TTLL5: variants seen among roughly 807,000 people sequenced by gnomAD.
TTLL5 encodes tubulin polyglutamylase TTLL5.
TTLL5 carries 132 observed loss-of-function variants against 168.4 expected under a neutral mutation model. That is an observed-to-expected ratio of 0.78 (90% CI 0.68 to 0.91). The LOEUF (loss-of-function observed/expected upper bound fraction) is 0.91, where lower values mean the gene tolerates loss of function less well. Ranked by LOEUF, TTLL5 falls within the 40% of genes least tolerant of loss-of-function variation. The pLI, the probability that TTLL5 is intolerant of heterozygous loss-of-function variation, is 0.00. For synonymous variants in TTLL5, 546 were observed against 558.6 expected (o/e 0.98, Z 0.32); for missense variants, 1,545 against 1,581.5 (o/e 0.98, Z 0.39).
chr14:75,843,771 T>G (rs752380624), intron 28 of TTLL5, among the ~76,000 whole-genome samples: 3 of 152,214 alleles, frequency 2.0e-5, no homozygotes, highest in Non-Finnish European at 2.9e-5. Flanking sequence ...GGCATACAAC[T>G]GAAATGGAAG....
At chr14:75,731,653 G>A (rs1019050957) in intron 12 of TTLL5, among the ~76,000 whole-genome samples, 11 of 152,058 alleles carry the variant, frequency 7.2e-5, no homozygotes, top group African/African-American at 2.2e-4. Context: ...AATAATATTA[G>A]TAGTGCAAAG....
intron 31 of TTLL5, among the ~76,000 whole-genome samples, chr14:75,912,752 G>C (rs1326064727): frequency 1.3e-5 from 2 of 152,150 alleles, no homozygotes; most frequent in Non-Finnish European, 2.9e-5. Context: ...ACCTAATAAA[G>C]TAGTAGTCAA....
intron 23 of TTLL5, among the ~76,000 whole-genome samples, chr14:75,779,212 G>A (rs1042917093): frequency 1.3e-5 from 2 of 152,214 alleles, no homozygotes; most frequent in African/African-American, 4.8e-5. Flanking sequence ...GCCTGTTCTA[G>A]AATGTGGCTG....
At position 75,819,993 on chromosome 14, in the gene TTLL5, C is replaced by A. The variant is rs199868150; in HGVS notation, c.3172-14C>A. On this transcript the variant is annotated splice_polypyrimidine_tract_variant and intron_variant, in intron 27 of 31. Coordinates refer to ENST00000298832, the MANE Select transcript of TTLL5 (RefSeq NM_015072.5). ...CTCTGTAAAGTCAGGTTATTTCCCT[C>A]GCTTTATTTCTAGGTAACAAACCTG... The A allele has an allele frequency of 1.0e-4, 163 of 1,583,454 alleles. No individual in the cohort carries two copies. Among genetic ancestry groups the A allele is most frequent in the Middle Eastern group, 1.7e-4 (1 of 5,942 alleles).
chr14:75,745,944 C>A (rs1889580548), intron 17 of TTLL5, among the ~76,000 whole-genome samples: 1 of 152,096 alleles, frequency 6.6e-6, no homozygotes, highest in Non-Finnish European at 1.5e-5. Flanking sequence ...TAAAATGCAT[C>A]TATTTTAAAT....
intron 31 of TTLL5, among the ~76,000 whole-genome samples, chr14:75,930,789 C>T (rs2034251962): frequency 6.6e-6 from 1 of 152,208 alleles, no homozygotes; most frequent in Admixed American, 6.5e-5. Flanking sequence ...ACAATCCTAA[C>T]ATCATTTAAA....
intron 31 of TTLL5, among the ~76,000 whole-genome samples, chr14:75,939,226 A>G (rs780707888): frequency 4.6e-5 from 7 of 152,234 alleles, no homozygotes; most frequent in East Asian, 1.9e-4. Flanking sequence ...ACCAGGGTCT[A>G]TCTACAGTAA....
In TTLL5 at chr14:75,734,211, A is replaced by T. The variant is rs180995626; in HGVS notation, c.1186+161A>T. ...AGGGAAATGTTTATATGTTTCTACG[A>T]CACTTGGCTCCATCCTGTCCTGAGG... On this transcript the variant is annotated intron_variant, in intron 14 of 31. Coordinates refer to ENST00000298832, the MANE Select transcript of TTLL5 (RefSeq NM_015072.5). Among the ~76,000 whole-genome samples, 76 of 152,342 alleles carry T rather than the reference A, an allele frequency of 5.0e-4. 1 individual carries two copies. The highest frequency in any genetic ancestry group is 1.7e-3 in the African/African-American group (70 of 41,584).
intron 28 of TTLL5, among the ~76,000 whole-genome samples, chr14:75,858,301 T>C (rs1287809535): frequency 3.9e-5 from 6 of 152,244 alleles, no homozygotes; most frequent in Non-Finnish European, 7.3e-5. Context: ...CACCAAACTG[T>C]AGTAGAAGTC....
chr14:75,773,927 T>TATATATATATATATATATAGAGAGAG (rs1354936334), intron 21 of TTLL5, among the ~76,000 whole-genome samples: 1 of 21,124 alleles, frequency 4.7e-5, no homozygotes, highest in African/African-American at 1.5e-4. Context: ...TATATATATA[T>TATATATATATATATATATAGAGAGAG]AGAGAGAGAG....
intron 30 of TTLL5, among the ~76,000 whole-genome samples, chr14:75,890,042 C>A (rs1239790080): frequency 6.6e-6 from 1 of 152,096 alleles, no homozygotes; most frequent in East Asian, 1.9e-4. Flanking sequence ...AACCAAGATA[C>A]AAATGGTAAA....
intron 7 of TTLL5, among the ~76,000 whole-genome samples, chr14:75,702,782 C>T (rs1274460367): frequency 1.3e-5 from 2 of 152,144 alleles, no homozygotes; most frequent in Non-Finnish European, 2.9e-5. Flanking sequence ...GACCTTTTGC[C>T]TTCCCCCTCC....
chr14:75,680,663 C>T (rs1178260835), intron 3 of TTLL5, among the ~76,000 whole-genome samples: 1 of 147,436 alleles, frequency 6.8e-6, no homozygotes, highest in Non-Finnish European at 1.5e-5. Flanking sequence ...GCTCTTGTCC[C>T]CCAGGCTGGA....
intron 28 of TTLL5, among the ~76,000 whole-genome samples, chr14:75,846,872 A>G (rs1896577179): frequency 6.6e-6 from 1 of 151,922 alleles, no homozygotes; most frequent in Non-Finnish European, 1.5e-5. Context: ...ATGGACTCGA[A>G]GTGTGAGGAA....
intron 10 of TTLL5, 133 bp downstream of exon 10, chr14:75,718,095 C>A: frequency 2.7e-6 from 2 of 753,132 alleles, no homozygotes; most frequent in Non-Finnish European, 4.4e-6. Flanking sequence ...GGAAATCTGT[C>A]AGTCATATAA....
At chr14:75,863,933 A>AAAAAAAAAAAAAAAAAC in intron 29 of TTLL5, 71 bp downstream of exon 29, 2 of 1,268,264 alleles carry the variant, frequency 1.6e-6, no homozygotes, top group East Asian at 2.8e-5. Context: ...AAAAAAAAAA[A>AAAAAAAAAAAAAAAAAC]AGGTCAGTGA....
intron 27 of TTLL5, among the ~76,000 whole-genome samples, chr14:75,807,175 C>G (rs974548989): frequency 1.3e-5 from 2 of 152,124 alleles, no homozygotes; most frequent in African/African-American, 4.8e-5. Flanking sequence ...TGGCTGGGTG[C>G]AGTGGCGCAC....
At chr14:75,777,431 C>T (rs1566599828) in intron 23 of TTLL5, among the ~76,000 whole-genome samples, 1 of 152,130 alleles carries the variant, frequency 6.6e-6, no homozygotes, top group African/African-American at 2.4e-5. Flanking sequence ...TAAAATAGAA[C>T]AAGTTCTTCA....
chr14:75,804,153 T>C (rs1893512104), intron 27 of TTLL5, among the ~76,000 whole-genome samples: 2 of 152,200 alleles, frequency 1.3e-5, no homozygotes, highest in South Asian at 4.1e-4. Context: ...CTTTTTGCTC[T>C]TCACATTTTT....
Sources: allele counts gnomAD v4.1 joint callset (sites outside exome capture counted in the v4.1 genomes callset), GRCh38; gene constraint gnomAD v4.1.1; transcripts MANE v1.5; gene names NCBI Gene and HGNC (gene_info 2026-07-23, HGNC 2026-07-21).